Variants in CNTNAP2 observed in about 807,000 individuals in gnomAD.
The protein encoded by CNTNAP2 is contactin associated protein 2.
A neutral mutation model predicts 155.2 loss-of-function variants in CNTNAP2; 98 were observed. The observed-to-expected ratio is 0.63, with a 90% CI of 0.54 to 0.75. The LOEUF (loss-of-function observed/expected upper bound fraction) is 0.75, where lower values mean the gene tolerates loss of function less well. Among genes scored for constraint, CNTNAP2 ranks in the 30% least tolerant of loss-of-function variants. The pLI, the probability that CNTNAP2 is intolerant of heterozygous loss-of-function variation, is 0.00. For missense variants in CNTNAP2, 1,727 were observed against 1,688.1 expected (o/e 1.02, Z -0.40); for synonymous variants, 651 against 631.2 (o/e 1.03, Z -0.47).
At chr7:146,829,325 C>G (rs115096548) in intron 2 of CNTNAP2, among the ~76,000 whole-genome samples, 1 of 151,672 alleles carries the variant, frequency 6.6e-6, no homozygotes, top group South Asian at 2.1e-4. Flanking sequence ...TGGATATTAT[C>G]AGCACTGTAA....
intron 1 of CNTNAP2, among the ~76,000 whole-genome samples, chr7:146,437,897 G>GT (rs1453178976): frequency 6.7e-6 from 1 of 149,416 alleles, no homozygotes; most frequent in Non-Finnish European, 1.5e-5. Flanking sequence ...TTTTTTGTTT[G>GT]TTTTTGTCCC....
At chr7:148,018,669 T>C (rs963554546) in intron 15 of CNTNAP2, among the ~76,000 whole-genome samples, 2 of 152,154 alleles carry the variant, frequency 1.3e-5, no homozygotes, top group African/African-American at 4.8e-5. Context: ...GGATCAAGGG[T>C]CACTCCCGGA....
At chr7:146,915,990 C>T (rs1796386563) in intron 3 of CNTNAP2, 1 of 151,972 alleles carries the variant, frequency 6.6e-6, no homozygotes, top group Non-Finnish European at 1.5e-5. Flanking sequence ...TAAGGTATGT[C>T]CTTCTATGCC....
chr7:146,716,024 C>T (rs970539053), intron 1 of CNTNAP2, among the ~76,000 whole-genome samples: 3 of 152,064 alleles, frequency 2.0e-5, no homozygotes, highest in Admixed American at 1.3e-4. Context: ...AGGTCATTAA[C>T]ATGCCGCCTG....
intron 16 of CNTNAP2, among the ~76,000 whole-genome samples, chr7:148,140,286 G>T (rs1171477456): frequency 6.6e-6 from 1 of 152,112 alleles, no homozygotes; most frequent in Non-Finnish European, 1.5e-5. Context: ...CGTTATATAG[G>T]AATGATTGAT....
chr7:147,989,239 T>C (rs755095122), intron 15 of CNTNAP2, among the ~76,000 whole-genome samples: 10 of 152,200 alleles, frequency 6.6e-5, no homozygotes, highest in Non-Finnish European at 1.2e-4. Context: ...CAACCTTACA[T>C]AGCAGCATGG....
chr7:146,127,568 A>G (rs1171539829), intron 1 of CNTNAP2, among the ~76,000 whole-genome samples: 1 of 152,166 alleles, frequency 6.6e-6, no homozygotes, highest in African/African-American at 2.4e-5. Flanking sequence ...AAAGCTTACA[A>G]CTTCTGCAAC....
intron 3 of CNTNAP2, among the ~76,000 whole-genome samples, chr7:146,917,792 A>G (rs1796424170): frequency 6.6e-6 from 1 of 152,150 alleles, no homozygotes; most frequent in Non-Finnish European, 1.5e-5. Flanking sequence ...GCTGCCATCC[A>G]TGTAAGACAT....
chr7:146,798,227 G>T (rs1043826157), intron 2 of CNTNAP2, among the ~76,000 whole-genome samples: 51 of 151,860 alleles, frequency 3.4e-4, no homozygotes, highest in Admixed American at 7.9e-4. Flanking sequence ...GCAGTGAGTG[G>T]TGATCGTGCC....
At chr7:146,544,016 G>A (rs1012272696) in intron 1 of CNTNAP2, among the ~76,000 whole-genome samples, 4 of 151,790 alleles carry the variant, frequency 2.6e-5, no homozygotes, top group Admixed American at 1.3e-4. Context: ...CAAATATGTG[G>A]GCTGCTGACT....
chr7:146,831,608 G>A (rs767502682), intron 2 of CNTNAP2, among the ~76,000 whole-genome samples: 3 of 149,060 alleles, frequency 2.0e-5, no homozygotes, highest in Non-Finnish European at 3.0e-5. Flanking sequence ...CCCAGGAGGC[G>A]GAGGTTGCAG....
intron 1 of CNTNAP2, among the ~76,000 whole-genome samples, chr7:146,429,615 G>A (rs1796143134): frequency 6.6e-6 from 1 of 152,104 alleles, no homozygotes; most frequent in Non-Finnish European, 1.5e-5. Context: ...ATCAGCTTAT[G>A]GAGCTTTTGG....
intron 13 of CNTNAP2, among the ~76,000 whole-genome samples, chr7:147,749,100 G>A (rs997933800): frequency 4.6e-5 from 7 of 151,984 alleles, no homozygotes; most frequent in Non-Finnish European, 1.0e-4. Context: ...ATATTTGGGG[G>A]GAAAGAATGA....
intron 21 of CNTNAP2, among the ~76,000 whole-genome samples, chr7:148,356,212 T>C (rs1057240781): frequency 1.3e-5 from 2 of 152,032 alleles, no homozygotes; most frequent in Non-Finnish European, 2.9e-5. Context: ...CCATAAAACA[T>C]GGTTTTAAAA....
chr7:147,934,331 G>A (rs1402528270), intron 14 of CNTNAP2, among the ~76,000 whole-genome samples: 2 of 152,160 alleles, frequency 1.3e-5, no homozygotes, highest in Non-Finnish European at 2.9e-5. Flanking sequence ...CATGGCAGAA[G>A]GCAAGGAAGA....
At chr7:147,835,395 G>A (rs962324874) in intron 13 of CNTNAP2, among the ~76,000 whole-genome samples, 1 of 152,162 alleles carries the variant, frequency 6.6e-6, no homozygotes, top group African/African-American at 2.4e-5. Context: ...GCTTGCAGGA[G>A]TTAAGTGTCA....
intron 11 of CNTNAP2, among the ~76,000 whole-genome samples, chr7:147,523,830 A>G (rs1405944761): frequency 6.6e-6 from 1 of 152,228 alleles, no homozygotes; most frequent in South Asian, 2.1e-4. Context: ...GCTATAAATT[A>G]TAATTGAACA....
chr7:148,016,654 C>T (rs1802181717), intron 15 of CNTNAP2, among the ~76,000 whole-genome samples: 1 of 152,172 alleles, frequency 6.6e-6, no homozygotes, highest in Admixed American at 6.5e-5. Flanking sequence ...CTGGAAAATA[C>T]AGAGAAGTTT....
intron 13 of CNTNAP2, among the ~76,000 whole-genome samples, chr7:147,772,489 C>A (rs866862595): frequency 0.026 from 2,708 of 103,526 alleles, 233 homozygotes; most frequent in African/African-American, 0.098. Flanking sequence ...TATATACACA[C>A]ACAAAAAAAA....
Sources: gnomAD v4.1 joint callset for allele counts (sites outside exome capture counted in the v4.1 genomes callset) on GRCh38, gnomAD v4.1.1 for gene constraint, MANE v1.5 for transcripts, NCBI Gene and HGNC (gene_info 2026-07-23, HGNC 2026-07-21) for gene names.